QTGAL: variants seen among roughly 807,000 people sequenced by gnomAD.
QTGAL encodes the protein queuosine-tRNA galactosyltransferase.
the QTGAL span, among the ~76,000 whole-genome samples, chr17:82,997,856 A>T: frequency 6.6e-5 from 10 of 151,474 alleles, no homozygotes; most frequent in African/African-American, 2.4e-4. Context: ...GAATAAAAGG[A>T]TGGTTACCAG....
the QTGAL span, among the ~76,000 whole-genome samples, chr17:83,034,568 T>C: frequency 6.6e-6 from 1 of 151,284 alleles, no homozygotes; most frequent in Non-Finnish European, 1.5e-5. Flanking sequence ...CTTGAATTAA[T>C]AACTATTTGA....
chr17:83,007,230 C>T, the QTGAL span: 1 of 985,406 alleles, frequency 1.0e-6, no homozygotes, highest in Non-Finnish European at 1.2e-6. Flanking sequence ...TCTCCTAAAG[C>T]ACATGCTAAA....
the QTGAL span, chr17:83,006,061 A>T: frequency 9.9e-7 from 1 of 1,007,626 alleles, no homozygotes. The surrounding 1 kb of genome is among the most constrained non-coding windows in gnomAD (Gnocchi z 5.8). Flanking sequence ...GTGAGGGCCC[A>T]GGGCCAGCAG....
the QTGAL span, among the ~76,000 whole-genome samples, chr17:82,973,364 A>C: frequency 1.3e-4 from 20 of 152,376 alleles, no homozygotes; most frequent in African/African-American, 4.1e-4. Context: ...TCACTGAGCT[A>C]TGAAGGACAA....
chr17:82,970,273 C>T, the QTGAL span, among the ~76,000 whole-genome samples: 4 of 152,216 alleles, frequency 2.6e-5, no homozygotes, highest in East Asian at 7.7e-4. Context: ...GGCCCCGAGG[C>T]CCCCTGAGAG....
chr17:82,957,396 C>G, the QTGAL span: 1 of 1,613,256 alleles, frequency 6.2e-7, no homozygotes, highest in Non-Finnish European at 8.5e-7. Flanking sequence ...GCGGTACAGC[C>G]GGCGCCCCTG....
chr17:83,013,652 G>A, the QTGAL span, among the ~76,000 whole-genome samples: 17 of 151,762 alleles, frequency 1.1e-4, no homozygotes, highest in Admixed American at 5.9e-4. Flanking sequence ...AGAGCCGGCC[G>A]TGACTGAACC....
chr17:83,016,237 CAA>C, the QTGAL span, among the ~76,000 whole-genome samples: 1 of 152,156 alleles, frequency 6.6e-6, no homozygotes, highest in Non-Finnish European at 1.5e-5. Flanking sequence ...CAAATGTACT[CAA>C]TAGCAGAAAT....
At chr17:82,942,570 G>C in the QTGAL span, 1 of 1,507,324 alleles carries the variant, frequency 6.6e-7, no homozygotes, top group African/African-American at 1.4e-5. Context: ...GCTGTTGAAG[G>C]GTAGCGCTGG....
chr17:82,968,343 G>A, the QTGAL span, among the ~76,000 whole-genome samples: 1 of 152,236 alleles, frequency 6.6e-6, no homozygotes, highest in Admixed American at 6.5e-5. Context: ...CAGCAACCAA[G>A]GGAACAAACT....
the QTGAL span, among the ~76,000 whole-genome samples, chr17:82,968,579 G>C: frequency 6.6e-6 from 1 of 152,220 alleles, no homozygotes; most frequent in African/African-American, 2.4e-5. Context: ...AGTGTGCACA[G>C]TGTGACCCCA....
At chr17:82,960,881 G>A in the QTGAL span, among the ~76,000 whole-genome samples, 160 of 152,346 alleles carry the variant, frequency 1.1e-3, no homozygotes, top group African/African-American at 3.6e-3. Flanking sequence ...CGTGGACGCC[G>A]AATCCCCGCC....
chr17:82,957,512 G>GTGAT, the QTGAL span: 6 of 1,589,578 alleles, frequency 3.8e-6, no homozygotes, highest in African/African-American at 8.1e-5. Context: ...GGAGAAGAGG[G>GTGAT]TGATAGGCAG....
chr17:82,957,635 G>A, the QTGAL span: 1 of 1,236,784 alleles, frequency 8.1e-7, no homozygotes, highest in Non-Finnish European at 1.1e-6. Context: ...GAGACTGGCT[G>A]TCCTACAGTC....
the QTGAL span, among the ~76,000 whole-genome samples, chr17:83,001,597 G>C: frequency 6.6e-6 from 1 of 151,080 alleles, no homozygotes; most frequent in Non-Finnish European, 1.5e-5. Context: ...AGAAAGCAGA[G>C]GGGCGGGCGG....
the QTGAL span, among the ~76,000 whole-genome samples, chr17:82,988,909 G>C: frequency 6.6e-6 from 1 of 152,226 alleles, no homozygotes; most frequent in Non-Finnish European, 1.5e-5. Flanking sequence ...TGGTGGGAAT[G>C]TAAATTAGTC....
chr17:82,946,460 G>C, the QTGAL span, among the ~76,000 whole-genome samples: 2 of 152,002 alleles, frequency 1.3e-5, no homozygotes, highest in Non-Finnish European at 2.9e-5. Flanking sequence ...AGAAGAAATT[G>C]ATCACCTACT....
chr17:83,010,409 GAGCCCACAAGCACT>G, the QTGAL span, among the ~76,000 whole-genome samples: 2 of 152,230 alleles, frequency 1.3e-5, no homozygotes, highest in South Asian at 2.1e-4. Flanking sequence ...GGTCAGAGGA[GAGCCCACAAGCACT>G]CCAACTTCAA....
chr17:82,960,897 C>T, the QTGAL span, among the ~76,000 whole-genome samples: 3 of 152,254 alleles, frequency 2.0e-5, no homozygotes, highest in African/African-American at 4.8e-5. Context: ...CCGCCACCCT[C>T]GGGATGTGCT....
Sources: gnomAD v4.1 joint callset for allele counts (sites outside exome capture counted in the v4.1 genomes callset) on GRCh38, gnomAD v4.1.1 for gene constraint, Gnocchi (gnomAD v3.1) non-coding constraint, MANE v1.5 for transcripts, NCBI Gene and HGNC (gene_info 2026-07-23, HGNC 2026-07-21) for gene names.